Variants in CAMTA1 observed in about 807,000 individuals in gnomAD.
The protein encoded by CAMTA1 is calmodulin-binding transcription activator 1.
In CAMTA1, 27 loss-of-function variants were observed where a neutral mutation model predicts 170.9. The observed-to-expected ratio is 0.16, with a 90% CI of 0.12 to 0.22. The LOEUF (loss-of-function observed/expected upper bound fraction) is 0.22. Ranked by LOEUF, CAMTA1 falls within the 10% of genes least tolerant of loss-of-function variation. The probability of loss-of-function intolerance (pLI) is 1.00; values close to 1 mark genes in which losing one functional copy is unlikely to be tolerated. For synonymous variants in CAMTA1, 833 were observed against 891.5 expected (o/e 0.93, Z 1.17); for missense variants, 1,619 against 2,217.2 (o/e 0.73, Z 5.42).
chr1:7,506,032 A>T (rs2094102786), intron 6 of CAMTA1, among the ~76,000 whole-genome samples: 1 of 152,178 alleles, frequency 6.6e-6, no homozygotes, highest in African/African-American at 2.4e-5. Flanking sequence ...TCTTCACATC[A>T]GTGATGACAG....
At chr1:7,579,070 G>T (rs960181112) in intron 6 of CAMTA1, among the ~76,000 whole-genome samples, 6 of 152,178 alleles carry the variant, frequency 3.9e-5, no homozygotes, top group Non-Finnish European at 8.8e-5. Flanking sequence ...AGGTGGAAAG[G>T]TCTGTCCTCT....
chr1:7,485,140 C>A (rs1378772110), intron 6 of CAMTA1, among the ~76,000 whole-genome samples: 2 of 152,194 alleles, frequency 1.3e-5, no homozygotes, highest in Non-Finnish European at 2.9e-5. Context: ...TCTGGCTGCC[C>A]ATCCCCAGTC....
At chr1:6,940,912 A>AGGGGGTCCTCACAGGGAG in intron 3 of CAMTA1, among the ~76,000 whole-genome samples, 58 of 2,734 alleles carry the variant, frequency 0.021, 25 homozygotes, top group East Asian at 0.053. Context: ...GCTCACAGGC[A>AGGGGGTCCTCACAGGGAG]GGGGATCCTC....
chr1:6,794,894 T>TG (rs1461614382), intron 1 of CAMTA1, among the ~76,000 whole-genome samples: 12 of 141,996 alleles, frequency 8.5e-5, no homozygotes, highest in Admixed American at 3.5e-4. Flanking sequence ...TTTTTTGTTT[T>TG]TTTTGTTTTT....
intron 11 of CAMTA1, among the ~76,000 whole-genome samples, chr1:7,689,159 C>T (rs748942962): frequency 3.4e-5 from 5 of 148,090 alleles, no homozygotes; most frequent in Non-Finnish European, 6.0e-5. Context: ...CCCAGCTACT[C>T]GGGAGGCTGA....
At chr1:7,569,710 A>G (rs572914744) in intron 6 of CAMTA1, among the ~76,000 whole-genome samples, 62 of 151,606 alleles carry the variant, frequency 4.1e-4, no homozygotes, top group African/African-American at 1.4e-3. Context: ...CATCATCATC[A>G]CCACCATTGT....
chr1:6,894,562 C>G (rs1054156365), intron 3 of CAMTA1, among the ~76,000 whole-genome samples: 2 of 152,204 alleles, frequency 1.3e-5, no homozygotes, highest in Non-Finnish European at 2.9e-5. Flanking sequence ...GCAGTAAATA[C>G]GGTGAAGCTG....
intron 3 of CAMTA1, among the ~76,000 whole-genome samples, chr1:6,877,214 C>T (rs1237205995): frequency 6.6e-6 from 1 of 152,190 alleles, no homozygotes; most frequent in Non-Finnish European, 1.5e-5. Flanking sequence ...CCCATGGAAA[C>T]AAATGATAGA....
intron 4 of CAMTA1, among the ~76,000 whole-genome samples, chr1:7,205,287 G>A (rs1246737518): frequency 1.3e-5 from 2 of 152,050 alleles, no homozygotes; most frequent in Admixed American, 1.3e-4. Flanking sequence ...ATTTTTAATA[G>A]AGACGGGGTT....
rs761772097 is a variant in CAMTA1, at chr1:6,949,244, GT to G, written c.234+124035del. Among the ~76,000 whole-genome samples the G allele has an allele frequency of 1.3e-4, 20 of 152,376 alleles. 1 individual carries two copies. The highest frequency in any genetic ancestry group is 3.4e-3 in the Middle Eastern group (1 of 294). On this transcript the variant is annotated intron_variant, in intron 3 of 22. Transcript: ENST00000303635. ...GGCAGGAGGGTGGTGCCTGGGAGTT[GT>G]GAGGGTCCTCGAACTGTTGGAATTT...
chr1:7,589,003 C>T (rs1366831555), intron 6 of CAMTA1, among the ~76,000 whole-genome samples: 15 of 152,174 alleles, frequency 9.9e-5, no homozygotes, highest in Non-Finnish European at 1.3e-4. Flanking sequence ...CAGAATTTTG[C>T]GCAGCCAGAA....
intron 9 of CAMTA1, among the ~76,000 whole-genome samples, chr1:7,670,092 C>G (rs768012788): frequency 1.3e-5 from 2 of 152,222 alleles, no homozygotes; most frequent in Non-Finnish European, 2.9e-5. Flanking sequence ...GGTCCTCCCC[C>G]CTGGAGCTGA....
In CAMTA1 at chr1:7,565,518, G is replaced by C. The variant is rs538022270; in HGVS notation, c.511-74882G>C. 6.6e-6 allele frequency among the ~76,000 whole-genome samples: 1 copy of C among 152,178 alleles called. No individual in the cohort carries two copies. Among genetic ancestry groups the C allele is most frequent in the Non-Finnish European group, 1.5e-5 (1 of 68,024 alleles). On this transcript the variant is annotated intron_variant, in intron 6 of 22. Transcript: ENST00000303635. The surrounding 1 kb of genome is among the most constrained non-coding windows in gnomAD (Gnocchi z 4.5). ...CATCAGGGGCTGGGCTTTCCGCAGA[G>C]AGCCTGGCTCTAGGCTGTCCGGAAC...
In CAMTA1 at chr1:7,310,644, CTTTTTT is replaced by C. The variant is rs771499921; in HGVS notation, c.438+61019_438+61024del. On this transcript the variant is annotated intron_variant, in intron 5 of 22. Coordinates refer to ENST00000303635, the MANE Select transcript of CAMTA1 (RefSeq NM_015215.4). ...TCTTTCTTTCTTTCTTTCTTTCTTT[CTTTTTT>C]CTTTCTTTCTTTCTTTCTTTCCTTT... 1.7e-3 allele frequency among the ~76,000 whole-genome samples: 105 copies of C among 61,372 alleles called. 2 individuals carry two copies. Among genetic ancestry groups the C allele is most frequent in the African/African-American group, 5.2e-3 (77 of 14,668 alleles). 40.3% of individuals were successfully genotyped at this position (61,372 alleles called of 152,430 possible).
At chr1:7,279,320 G>A (rs2149446940) in intron 5 of CAMTA1, among the ~76,000 whole-genome samples, 1 of 152,290 alleles carries the variant, frequency 6.6e-6, no homozygotes, top group East Asian at 1.9e-4. Context: ...TGACTTATTG[G>A]TTAAAATAGG....
At chr1:7,378,701 TC>T (rs979473685) in intron 5 of CAMTA1, among the ~76,000 whole-genome samples, 1 of 152,016 alleles carries the variant, frequency 6.6e-6, no homozygotes, top group African/African-American at 2.4e-5. Flanking sequence ...GCTGAGAACA[TC>T]CTAACATCCA....
chr1:7,117,386 A>G (rs983322479), intron 4 of CAMTA1, among the ~76,000 whole-genome samples: 4 of 152,202 alleles, frequency 2.6e-5, no homozygotes, highest in East Asian at 3.8e-4. Flanking sequence ...CTCAGTACAC[A>G]TAGAACTCAA....
At chr1:7,684,825 C>A (rs1213813816) in intron 11 of CAMTA1, among the ~76,000 whole-genome samples, 1 of 152,104 alleles carries the variant, frequency 6.6e-6, no homozygotes, top group Admixed American at 6.5e-5. Flanking sequence ...TAGGCTTAGT[C>A]CCCAGGGCAT....
intron 4 of CAMTA1, among the ~76,000 whole-genome samples, chr1:7,139,030 AATTTATATTTATAAATATAT>A (rs1645715402): frequency 6.9e-6 from 1 of 144,684 alleles, no homozygotes; most frequent in Non-Finnish European, 1.5e-5. Context: ...ATTTTATATA[AATTTATATTTATAAATATAT>A]ATTTATATTT....
Sources: allele counts gnomAD v4.1 joint callset (sites outside exome capture counted in the v4.1 genomes callset), GRCh38; gene constraint gnomAD v4.1.1; non-coding constraint Gnocchi (gnomAD v3.1); transcripts MANE v1.5; gene names NCBI Gene and HGNC (gene_info 2026-07-23, HGNC 2026-07-21).